The following MPRIP variants were observed in gnomAD, a reference collection of about 807,000 sequenced individuals.
MPRIP encodes the protein myosin phosphatase Rho-interacting protein.
A neutral mutation model predicts 234.9 loss-of-function variants in MPRIP; 59 were observed. The observed-to-expected ratio is 0.25, with a 90% CI of 0.20 to 0.31. MPRIP has a LOEUF of 0.31. Ranked by LOEUF, MPRIP falls within the 10% of genes least tolerant of loss-of-function variation. The pLI, the probability that MPRIP is intolerant of heterozygous loss-of-function variation, is 1.00. For synonymous variants in MPRIP, 1,144 were observed against 1,263.9 expected, an observed-to-expected ratio of 0.91 and a Z score of 2.01; for missense variants, 2,436 against 3,071.0, an observed-to-expected ratio of 0.79 and a Z score of 4.89.
At chr17:17,060,190 G>A (rs971761075) in intron 1 of MPRIP, among the ~76,000 whole-genome samples, 1 of 152,188 alleles carries the variant, frequency 6.6e-6, no homozygotes, top group Non-Finnish European at 1.5e-5. Flanking sequence ...AGGCTGTAGG[G>A]CTCTTCCTTC....
chr17:17,108,271 T>G (rs946411496), intron 3 of MPRIP, among the ~76,000 whole-genome samples: 17 of 152,232 alleles, frequency 1.1e-4, no homozygotes, highest in Non-Finnish European at 1.8e-4. Flanking sequence ...TCTTCTGTCT[T>G]TCTTTGCTTT....
chr17:17,143,137 T>A (rs2045367785), intron 8 of MPRIP, among the ~76,000 whole-genome samples: 1 of 152,162 alleles, frequency 6.6e-6, no homozygotes, highest in African/African-American at 2.4e-5. Flanking sequence ...TCTGAAATCC[T>A]CCTGGGCACC....
At chr17:17,057,914 A>C in intron 1 of MPRIP, 1 of 533,342 alleles carries the variant, frequency 1.9e-6, no homozygotes, top group Non-Finnish European at 3.3e-6. Flanking sequence ...ATACATTTAC[A>C]ATATAAATCT....
chr17:17,180,070 C>G lies in MPRIP; in HGVS notation c.7188C>G (p.Leu2396=), dbSNP rs760123647. 1 of 1,593,864 alleles carries G rather than the reference C, an allele frequency of 6.3e-7. No individual in the cohort carries two copies. The highest frequency in any genetic ancestry group is 1.4e-5 in the African/African-American group (1 of 73,422). ...KKDRSCVTRQ[L]RNIRSKSLKE... is the part of the protein sequence containing the mutation. Reference sequence around the variant, plus strand: ...ACAGATCCTGTGTCACCCGGCAACTCAGAAACATCAGGTCCAAGGTGAGTC... The same window carrying G: ...ACAGATCCTGTGTCACCCGGCAACTGAGAAACATCAGGTCCAAGGTGAGTC... Residue 2396 remains leucine, a synonymous_variant, in exon 23 of 24, where the codon CTC becomes CTG. Coordinates refer to ENST00000651222, the MANE Select transcript of MPRIP (RefSeq NM_001364716.4).
At chr17:17,104,653 A>C (rs528855292) in intron 3 of MPRIP, among the ~76,000 whole-genome samples, 1 of 152,098 alleles carries the variant, frequency 6.6e-6, no homozygotes, top group Admixed American at 6.5e-5. Flanking sequence ...ACAGAGCCCC[A>C]ATTGTTTTCT....
rs2045946389 is a variant in MPRIP at position 17,164,779 on chromosome 17, C to A, written c.3188C>A (p.Thr1063Asn). 2.3e-6 allele frequency: 3 copies of A among 1,304,204 alleles called. No homozygotes were observed. Among genetic ancestry groups the A allele is most frequent in the Non-Finnish European group, 3.0e-6 (3 of 988,934 alleles). The allele number at this position is 1,304,204 out of a possible 1,614,324, so 80.8% of individuals were successfully genotyped here. A position where few individuals can be genotyped will look rare whatever the true frequency, so the allele number is the denominator to read the frequency against. ...CAGGGTCAGGCACAGCAGGTGGAGA[C>A]CCTGCAGAAGGAGAAGCTGAGCGCC... ...QLQGQAQQVE[T>N]LQKEKLSATF... Residue 1063 changes from threonine (T) to asparagine (N), a missense_variant, in exon 16 of 24, where the codon ACC becomes AAC. This residue lies in a region of MPRIP where 1,998 missense variants were observed against 2,520.3 expected (regional missense o/e 0.79). Transcript: ENST00000651222.
chr17:17,057,952 C>T, intron 1 of MPRIP: 1 of 459,334 alleles, frequency 2.2e-6, no homozygotes, highest in East Asian at 3.7e-5. Flanking sequence ...GCTCGTGAAC[C>T]TGCCACCCAA....
chr17:17,066,983 C>A (rs1429189315), intron 1 of MPRIP, among the ~76,000 whole-genome samples: 2 of 151,760 alleles, frequency 1.3e-5, no homozygotes, highest in Non-Finnish European at 2.9e-5. Flanking sequence ...GTCTCAAACT[C>A]CTGGCTTCAT....
chr17:17,170,320 C>G (rs771582138), intron 16 of MPRIP: 1 of 152,072 alleles, frequency 6.6e-6, no homozygotes, highest in African/African-American at 2.4e-5. Flanking sequence ...ACCAGGAGCT[C>G]CAGAGCTCCG....
intron 13 of MPRIP, among the ~76,000 whole-genome samples, chr17:17,155,684 TAAAC>T (rs767411066): frequency 1.6e-4 from 25 of 152,262 alleles, no homozygotes; most frequent in Non-Finnish European, 2.4e-4. Context: ...CTTCATTTAT[TAAAC>T]AAACACTGTC....
At chr17:17,161,430 C>T (rs1414271016) in intron 15 of MPRIP, 74 bp downstream of exon 15, 1 of 1,121,196 alleles carries the variant, frequency 8.9e-7, no homozygotes, top group Non-Finnish European at 1.2e-6. Context: ...CTCAGGCAGG[C>T]TAGGAGTGTG....
chr17:17,150,101 C>A, intron 11 of MPRIP, 43 bp from the exon 12 acceptor site: 2 of 1,492,828 alleles, frequency 1.3e-6, no homozygotes, highest in Non-Finnish European at 1.9e-6. Context: ...GGCATTGGTT[C>A]TACTTCCTAA....
At chr17:17,152,276 T>C (rs1284655044) in intron 12 of MPRIP, among the ~76,000 whole-genome samples, 1 of 152,232 alleles carries the variant, frequency 6.6e-6, no homozygotes, top group African/African-American at 2.4e-5. Flanking sequence ...TAGGCGGGCA[T>C]AGTGCCCGGT....
chr17:17,090,870 G>A (rs1178036872), intron 3 of MPRIP, among the ~76,000 whole-genome samples: 1 of 152,138 alleles, frequency 6.6e-6, no homozygotes, highest in East Asian at 1.9e-4. Flanking sequence ...GCCCAGACAC[G>A]CCCTAGCCTG....
chr17:17,139,805 C>A (rs549437018), intron 7 of MPRIP, among the ~76,000 whole-genome samples: 1 of 152,228 alleles, frequency 6.6e-6, no homozygotes, highest in African/African-American at 2.4e-5. Context: ...ACGTTGACTT[C>A]CTAGGGAAAG....
intron 3 of MPRIP, 82 bp from the exon 4 acceptor site, chr17:17,126,620 G>A (rs2090494744): frequency 6.8e-7 from 1 of 1,463,016 alleles, no homozygotes. Context: ...CAGGCTGGGA[G>A]GGTCAGGAAT....
rs1358456503 is a variant in MPRIP, at chr17:17,165,367, C to T, written c.3776C>T (p.Pro1259Leu). The T allele has an allele frequency of 7.7e-7, 1 of 1,304,178 alleles. No homozygotes were observed. The highest frequency in any genetic ancestry group is 1.0e-6 in the Non-Finnish European group (1 of 988,968). 80.8% of individuals were successfully genotyped at this position (1,304,178 alleles called of 1,614,324 possible). Residue 1259 changes from proline (P) to leucine (L), a missense_variant, in exon 16 of 24, where the codon CCA becomes CTA. Physicochemically the swap from Pro to Leu is moderately conservative, Grantham distance 98. This residue lies in a region of MPRIP where 1,998 missense variants were observed against 2,520.3 expected (regional missense o/e 0.79). Coordinates refer to ENST00000651222, the MANE Select transcript of MPRIP (RefSeq NM_001364716.4). ...GCCACTAGGGCACCTCTAGGCCTCC[C>T]ACACACAAGGCTCGAGGATGAGGAC... ...VQATRAPLGLPHTRLEDEDED... is the reference protein window; with the variant it reads ...VQATRAPLGLLHTRLEDEDED...
At position 17,117,117 on chromosome 17, in the gene MPRIP, C is replaced by T. The variant is rs757798035; in HGVS notation, c.268-9585C>T. On this transcript the variant is annotated intron_variant, in intron 3 of 23. Coordinates refer to ENST00000651222, the MANE Select transcript of MPRIP (RefSeq NM_001364716.4). Reference sequence around the variant, plus strand: ...CACAGGGTAGAAGACGGAACATGCCCGACACTGTCCTCCCTCCTTCCCAAA... The same window carrying T: ...CACAGGGTAGAAGACGGAACATGCCTGACACTGTCCTCCCTCCTTCCCAAA... Among the ~76,000 whole-genome samples, 96 of 152,286 alleles carry T rather than the reference C, an allele frequency of 6.3e-4. 1 individual carries two copies. The Middle Eastern group carries it at 0.014, about 22-fold the overall frequency.
intron 3 of MPRIP, among the ~76,000 whole-genome samples, chr17:17,108,080 G>A (rs1461789585): frequency 7.9e-5 from 12 of 152,226 alleles, no homozygotes; most frequent in Non-Finnish European, 1.8e-4. Context: ...GCCTGCTGGA[G>A]AAGGATGGCC....
Sources: allele counts gnomAD v4.1 joint callset (sites outside exome capture counted in the v4.1 genomes callset), GRCh38; gene constraint gnomAD v4.1.1; regional missense constraint gnomAD v4.1.1; transcripts MANE v1.5; gene names NCBI Gene and HGNC (gene_info 2026-07-23, HGNC 2026-07-21).